PIK3C2G: variants seen among roughly 807,000 people sequenced by gnomAD.
PIK3C2G encodes phosphatidylinositol 3-kinase C2 domain-containing subunit gamma.
A neutral mutation model predicts 181.1 loss-of-function variants in PIK3C2G; 168 were observed. The observed-to-expected ratio is 0.93, with a 90% CI of 0.82 to 1.05. The LOEUF (loss-of-function observed/expected upper bound fraction) is 1.05. Among genes scored for constraint, PIK3C2G ranks in the 50% least tolerant of loss-of-function variants. The pLI, the probability that PIK3C2G is intolerant of heterozygous loss-of-function variation, is 0.00. For synonymous variants in PIK3C2G, 573 were observed against 592.2 expected, an observed-to-expected ratio of 0.97 and a Z score of 0.47; for missense variants, 1,869 against 1,732.8, an observed-to-expected ratio of 1.08 and a Z score of -1.40.
chr12:18,626,499 C>A (rs184337487), intron 31 of PIK3C2G, among the ~76,000 whole-genome samples: 1 of 151,944 alleles, frequency 6.6e-6, no homozygotes, highest in Non-Finnish European at 1.5e-5. Flanking sequence ...TTATTTATAC[C>A]ATTAGATTTC....
intron 12 of PIK3C2G, among the ~76,000 whole-genome samples, chr12:18,365,392 C>T (rs57542989): frequency 0.17 from 26,186 of 152,106 alleles, 3,146 homozygotes; most frequent in African/African-American, 0.3. Flanking sequence ...ATTCAGTTAT[C>T]TTTTCTCTGC....
chr12:18,362,015 T>C (rs1187780726), intron 11 of PIK3C2G, among the ~76,000 whole-genome samples: 1 of 151,994 alleles, frequency 6.6e-6, no homozygotes, highest in Admixed American at 6.6e-5. Context: ...ATCTAGGGTA[T>C]GCAGGGTCCT....
intron 26 of PIK3C2G, among the ~76,000 whole-genome samples, chr12:18,559,411 G>A (rs1481999255): frequency 6.6e-6 from 1 of 151,972 alleles, no homozygotes; most frequent in Non-Finnish European, 1.5e-5. Context: ...GGAAGCTAAG[G>A]GAAACCACAG....
intron 20 of PIK3C2G, among the ~76,000 whole-genome samples, chr12:18,492,645 A>T (rs1190905440): frequency 6.6e-6 from 1 of 152,176 alleles, no homozygotes; most frequent in Non-Finnish European, 1.5e-5. Context: ...ACTGTACCTT[A>T]ATGTAGAAAG....
intron 16 of PIK3C2G, among the ~76,000 whole-genome samples, chr12:18,402,174 A>G (rs1364972856): frequency 2.0e-5 from 3 of 152,204 alleles, no homozygotes; most frequent in Non-Finnish European, 2.9e-5. Flanking sequence ...TATCCATACA[A>G]CATAATATTA....
intron 16 of PIK3C2G, 74 bp from the exon 17 acceptor site, chr12:18,420,867 C>T: frequency 1.3e-6 from 1 of 785,354 alleles, no homozygotes; most frequent in Non-Finnish European, 2.2e-6. Context: ...AATTCATTCT[C>T]TGTTCTCCCT....
intron 18 of PIK3C2G, among the ~76,000 whole-genome samples, chr12:18,479,946 ATATGAG>A (rs1460159428): frequency 1.3e-5 from 2 of 152,198 alleles, no homozygotes; most frequent in African/African-American, 4.8e-5. Flanking sequence ...CCCACTGAGA[ATATGAG>A]TATAATTATA....
At chr12:18,606,918 C>T (rs73344905) in intron 30 of PIK3C2G, among the ~76,000 whole-genome samples, 28 of 151,932 alleles carry the variant, frequency 1.8e-4, no homozygotes, top group Non-Finnish European at 2.2e-4. Context: ...AACGATGTTG[C>T]GATACAAATC....
At chr12:18,382,576 G>A (rs1422049692) in intron 14 of PIK3C2G, among the ~76,000 whole-genome samples, 1 of 152,142 alleles carries the variant, frequency 6.6e-6, no homozygotes, top group African/African-American at 2.4e-5. Flanking sequence ...GCACCCTCTA[G>A]AACAGAGTTT....
chr12:18,517,551 A>T (rs184135705), intron 24 of PIK3C2G, among the ~76,000 whole-genome samples: 1 of 152,264 alleles, frequency 6.6e-6, no homozygotes, highest in East Asian at 1.9e-4. Flanking sequence ...GTTGAAGTAT[A>T]GGAGTGCCTG....
At chr12:18,586,105 T>G (rs1217972992) in intron 29 of PIK3C2G, among the ~76,000 whole-genome samples, 1 of 151,996 alleles carries the variant, frequency 6.6e-6, no homozygotes, top group Non-Finnish European at 1.5e-5. Context: ...TAGAAACATC[T>G]CAAATTAACA....
intron 11 of PIK3C2G, among the ~76,000 whole-genome samples, chr12:18,348,504 T>C (rs1939901594): frequency 6.6e-6 from 1 of 152,072 alleles, no homozygotes; most frequent in Non-Finnish European, 1.5e-5. Flanking sequence ...TCTGCAAATG[T>C]TCCTATAATC....
intron 16 of PIK3C2G, 149 bp downstream of exon 16, chr12:18,399,996 G>C: frequency 2.2e-6 from 1 of 456,820 alleles, no homozygotes; most frequent in Non-Finnish European, 3.7e-6. Context: ...TGTAAGCTAT[G>C]AATATAAATT....
chr12:18,592,038 T>C (rs1393675511), intron 29 of PIK3C2G, among the ~76,000 whole-genome samples: 3 of 151,684 alleles, frequency 2.0e-5, no homozygotes, highest in African/African-American at 4.8e-5. Flanking sequence ...AAGCAGCAAA[T>C]TGAGGTGAAG....
At chr12:18,385,261 G>A (rs987226386) in intron 14 of PIK3C2G, among the ~76,000 whole-genome samples, 1 of 152,158 alleles carries the variant, frequency 6.6e-6, no homozygotes, top group Admixed American at 6.5e-5. Context: ...CCACACTGCA[G>A]CCACTCCAGT....
the PIK3C2G span, among the ~76,000 whole-genome samples, chr12:18,702,174 A>G: frequency 6.6e-6 from 1 of 152,112 alleles, no homozygotes; most frequent in Non-Finnish European, 1.5e-5. Flanking sequence ...ATTAAAAAGT[A>G]TTAAATGAAA....
intron 16 of PIK3C2G, among the ~76,000 whole-genome samples, chr12:18,416,244 CAAAAAG>C (rs1945169416): frequency 6.9e-6 from 1 of 145,568 alleles, no homozygotes; most frequent in Non-Finnish European, 1.5e-5. Flanking sequence ...GACTCCATCT[CAAAAAG>C]AAAAAGAAAA....
chr12:18,263,523 C>G (rs1948342461), intron 1 of PIK3C2G, among the ~76,000 whole-genome samples: 1 of 152,106 alleles, frequency 6.6e-6, no homozygotes, highest in African/African-American at 2.4e-5. Context: ...GTGGCTATAT[C>G]AGTTTCTCCT....
chr12:18,668,778 C>A, the PIK3C2G span, among the ~76,000 whole-genome samples: 1 of 152,166 alleles, frequency 6.6e-6, no homozygotes, highest in Non-Finnish European at 1.5e-5. Flanking sequence ...ATGCTGCCTG[C>A]TGATATTCAC....
Sources: allele counts gnomAD v4.1 joint callset (sites outside exome capture counted in the v4.1 genomes callset), GRCh38; gene constraint gnomAD v4.1.1; transcripts MANE v1.5; gene names NCBI Gene and HGNC (gene_info 2026-07-23, HGNC 2026-07-21).